Variants in FSHR observed in about 807,000 individuals in gnomAD.
FSHR encodes follicle-stimulating hormone receptor.
A neutral mutation model predicts 52.1 loss-of-function variants in FSHR; 46 were observed. The observed-to-expected ratio is 0.88, with a 90% CI of 0.70 to 1.13. The LOEUF is 1.13. Ranked by LOEUF, FSHR falls within the 50% of genes most tolerant of loss-of-function variation. FSHR has a pLI of 0.00. For synonymous variants in FSHR, 399 were observed against 309.6 expected (o/e 1.29, Z -3.03); for missense variants, 964 against 834.6 (o/e 1.16, Z -1.91).
chr2:49,043,354 C>T (rs1221347792), intron 2 of FSHR, among the ~76,000 whole-genome samples: 1 of 152,088 alleles, frequency 6.6e-6, no homozygotes, highest in Non-Finnish European at 1.5e-5. Context: ...CCCATAAAAA[C>T]ATAGAAACTG....
At chr2:49,100,720 T>C (rs1246880588) in intron 1 of FSHR, among the ~76,000 whole-genome samples, 1 of 152,210 alleles carries the variant, frequency 6.6e-6, no homozygotes, top group African/African-American at 2.4e-5. Flanking sequence ...CCGGGCCTTT[T>C]GTTATGTAAG....
chr2:49,015,043 T>C (rs1667430396), intron 4 of FSHR: 1 of 320,732 alleles, frequency 3.1e-6, no homozygotes, highest in South Asian at 2.9e-5. Context: ...TATAGTTCTT[T>C]ATAGTTTTTA....
At chr2:49,129,124 T>G (rs1672171993) in intron 1 of FSHR, among the ~76,000 whole-genome samples, 1 of 152,048 alleles carries the variant, frequency 6.6e-6, no homozygotes, top group Non-Finnish European at 1.5e-5. Flanking sequence ...TTTCACTATC[T>G]CTTTCCCCTG....
chr2:49,037,531 T>C (rs895396297), intron 2 of FSHR, among the ~76,000 whole-genome samples: 1 of 152,054 alleles, frequency 6.6e-6, no homozygotes, highest in South Asian at 2.1e-4. Context: ...GTAACTTTAA[T>C]TGCTCAAAGA....
chr2:49,068,366 G>T (rs1041584379), intron 1 of FSHR, 76 bp from the exon 2 acceptor site: 12 of 1,227,540 alleles, frequency 9.8e-6, no homozygotes, highest in African/African-American at 1.5e-5. Context: ...ATTCATATCA[G>T]CAAACAGTTA....
At chr2:49,068,339 A>C (rs1173851886) in intron 1 of FSHR, 49 bp from the exon 2 acceptor site, 1 of 1,456,002 alleles carries the variant, frequency 6.9e-7, no homozygotes. Context: ...ATTAATAAGT[A>C]ATTGAGTTGC....
rs561949913 is a variant in FSHR, at chr2:49,078,182, G to A, written c.153-9892C>T. On this transcript the variant is annotated intron_variant, in intron 1 of 9. Transcript: ENST00000406846. Reference sequence around the variant, plus strand: ...TGGACTTACAGTTCCATGTGGCTGAGGAGGCCTCACAATCATGGTGGAAAG... The same window carrying A: ...TGGACTTACAGTTCCATGTGGCTGAAGAGGCCTCACAATCATGGTGGAAAG... 2.6e-4 allele frequency among the ~76,000 whole-genome samples: 39 copies of A among 152,318 alleles called. 1 individual carries two copies. Among genetic ancestry groups the A allele is most frequent in the African/African-American group, 9.4e-4 (39 of 41,574 alleles).
chr2:49,051,604 G>A (rs1668858605), intron 2 of FSHR, among the ~76,000 whole-genome samples: 1 of 151,806 alleles, frequency 6.6e-6, no homozygotes, highest in Non-Finnish European at 1.5e-5. Flanking sequence ...TCAGATATAT[G>A]TATTGCAGAT....
At chr2:49,053,973 G>T (rs767496744) in intron 2 of FSHR, among the ~76,000 whole-genome samples, 3 of 152,144 alleles carry the variant, frequency 2.0e-5, no homozygotes, top group Admixed American at 6.6e-5. Flanking sequence ...TGAAACACTT[G>T]TACAACATAG....
intron 1 of FSHR, among the ~76,000 whole-genome samples, chr2:49,117,810 T>C (rs929508017): frequency 2.0e-5 from 3 of 152,206 alleles, no homozygotes; most frequent in African/African-American, 4.8e-5. Context: ...ATTATTTCAA[T>C]TGTTTCACTG....
intron 1 of FSHR, among the ~76,000 whole-genome samples, chr2:49,145,933 A>G (rs912023806): frequency 5.5e-4 from 84 of 152,210 alleles, no homozygotes; most frequent in African/African-American, 1.9e-3. Context: ...AGGGGAATAT[A>G]AAACATATTT....
chr2:49,095,902 A>G (rs1354207663), intron 1 of FSHR, among the ~76,000 whole-genome samples: 1 of 152,200 alleles, frequency 6.6e-6, no homozygotes, highest in Non-Finnish European at 1.5e-5. Context: ...TGCAGATAAA[A>G]TAATCACAAT....
intron 1 of FSHR, among the ~76,000 whole-genome samples, chr2:49,107,562 G>T (rs1475175459): frequency 6.6e-6 from 1 of 152,096 alleles, no homozygotes; most frequent in Non-Finnish European, 1.5e-5. Context: ...ATGGTAAAGA[G>T]AAACAATTTG....
intron 6 of FSHR, among the ~76,000 whole-genome samples, chr2:48,984,494 A>C (rs1675398771): frequency 6.6e-6 from 1 of 152,248 alleles, no homozygotes; most frequent in Admixed American, 6.5e-5. Flanking sequence ...GCCAAAAGGC[A>C]AAAATAAAAA....
intron 3 of FSHR, among the ~76,000 whole-genome samples, chr2:49,019,236 C>T (rs1194871389): frequency 1.3e-5 from 2 of 152,180 alleles, no homozygotes; most frequent in Non-Finnish European, 1.5e-5. Flanking sequence ...GCAAACCTAT[C>T]TAATTTTATT....
chr2:49,071,325 A>G (rs1243922169), intron 1 of FSHR, among the ~76,000 whole-genome samples: 2 of 152,174 alleles, frequency 1.3e-5, no homozygotes, highest in East Asian at 3.8e-4. Flanking sequence ...GTGGAGGGAA[A>G]AATATAGACT....
Position 49,017,757 on chromosome 2 carries a change from G to C in FSHR, c.300-194C>G, listed in dbSNP as rs995541181. Among the ~76,000 whole-genome samples the C allele has an allele frequency of 4.6e-5, 7 of 152,090 alleles. No homozygotes were observed. The East Asian group carries it at 9.7e-4, about 21-fold the overall frequency. ...GCAGTGCCTTTTATCACACTAAGCT[G>C]TGCAAACTAAATATTAACCCTGTCT... On this transcript the variant is annotated intron_variant, in intron 3 of 9. Coordinates refer to ENST00000406846, the MANE Select transcript of FSHR (RefSeq NM_000145.4).
chr2:49,041,623 A>G (rs139371831), intron 2 of FSHR, among the ~76,000 whole-genome samples: 4 of 152,204 alleles, frequency 2.6e-5, no homozygotes, highest in Non-Finnish European at 4.4e-5. Context: ...AAGGCCCAAG[A>G]TAGGTCTTGG....
intron 1 of FSHR, among the ~76,000 whole-genome samples, chr2:49,143,241 G>T (rs1388108416): frequency 6.6e-6 from 1 of 152,152 alleles, no homozygotes; most frequent in Non-Finnish European, 1.5e-5. Flanking sequence ...AGGAAAACTA[G>T]TGTGGTATCA....
Sources: allele counts gnomAD v4.1 joint callset (sites outside exome capture counted in the v4.1 genomes callset), GRCh38; gene constraint gnomAD v4.1.1; transcripts MANE v1.5; gene names NCBI Gene and HGNC (gene_info 2026-07-23, HGNC 2026-07-21).